DOK3: variants seen among roughly 807,000 people sequenced by gnomAD.
The protein encoded by DOK3 is Dok-like protein.
In DOK3, 23 loss-of-function variants were observed where a neutral mutation model predicts 26.2. The ratio of observed to expected loss-of-function variants is 0.88; its 90% CI spans 0.63 to 1.24. The LOEUF (loss-of-function observed/expected upper bound fraction) is 1.24. DOK3 is among the 50% of genes most tolerant of loss of function. The pLI, the probability that DOK3 is intolerant of heterozygous loss-of-function variation, is 0.00. For missense variants in DOK3, 619 were observed against 610.6 expected (o/e 1.01, Z -0.15); for synonymous variants, 268 against 268.2 (o/e 1.00, Z 0.01).
At chr5:177,505,191 CAAGCCA>C in intron 3 of DOK3, 81 bp from the exon 4 acceptor site, 1 of 1,316,260 alleles carries the variant, frequency 7.6e-7, no homozygotes, top group Non-Finnish European at 1.0e-6. Context: ...CAGAACTCCA[CAAGCCA>C]GGGGGCATCC....
In DOK3 at chr5:177,509,770, C is replaced by A; in HGVS notation, c.-130G>T. 1 of 1,612,476 alleles carries A rather than the reference C, an allele frequency of 6.2e-7. No individual in the cohort carries two copies. Among genetic ancestry groups the A allele is most frequent in the Non-Finnish European group, 8.5e-7 (1 of 1,179,952 alleles). On this transcript the variant is annotated 5_prime_UTR_variant, in exon 1 of 6. Coordinates refer to ENST00000510898, the MANE Select transcript of DOK3 (RefSeq NM_001308236.3). ...TGCCCACACCTACCTGGAGGGAGCC[C>A]CCGGCCACCTGAAGGCAGCCTTCTC...
At position 177,503,861 on chromosome 5, in the gene DOK3, T is replaced by G; in HGVS notation, c.*122A>C. On this transcript the variant is annotated 3_prime_UTR_variant, in exon 6 of 6. Coordinates refer to ENST00000510898, the MANE Select transcript of DOK3 (RefSeq NM_001308236.3). Reference sequence around the variant, plus strand: ...GAGGTCCTCCACAGGCGGCCTGCCTTGTTCCTGCAGGCCAGGGTGGACACA... The same window carrying G: ...GAGGTCCTCCACAGGCGGCCTGCCTGGTTCCTGCAGGCCAGGGTGGACACA... 1.4e-6 allele frequency: 2 copies of G among 1,436,332 alleles called. No homozygotes were observed. Among genetic ancestry groups the G allele is most frequent in the Non-Finnish European group, 1.8e-6 (2 of 1,099,796 alleles). The allele number at this position is 1,436,332 out of a possible 1,614,324, so 89.0% of individuals were successfully genotyped here.
upstream of DOK3, chr5:177,510,169 G>C (rs934524510): frequency 2.0e-6 from 1 of 505,948 alleles, no homozygotes; most frequent in African/African-American, 1.9e-5. Flanking sequence ...CCCTTCCTGG[G>C]GTGCAGCCCA....
chr5:177,502,700 C>T lies in DOK3; in HGVS notation c.*1283G>A. The T allele has an allele frequency of 7.9e-6, 2 of 251,830 alleles. No homozygotes were observed. Among genetic ancestry groups the T allele is most frequent in the Non-Finnish European group, 7.7e-6 (1 of 130,618 alleles). 15.6% of individuals were successfully genotyped at this position (251,830 alleles called of 1,614,324 possible). A position where few individuals can be genotyped will look rare whatever the true frequency, so the allele number is the denominator to read the frequency against. On this transcript the variant is annotated 3_prime_UTR_variant, in exon 6 of 6. Coordinates refer to ENST00000510898, the MANE Select transcript of DOK3 (RefSeq NM_001308236.3). ...GTCTCTTGTGGCAGGGAGTGCCTGC[C>T]TTGCACTGTTAAGAAGGATGCAGGC...
Position 177,504,994 on chromosome 5 carries a change from C to A in DOK3, c.472+17G>T, listed in dbSNP as rs757778210. ...GTGTGGGGGGCTGAGGCTGCCCTTGCACGTCCTCCAACTTACCTTCCTGCC... is the reference window on the plus strand; with the variant it reads ...GTGTGGGGGGCTGAGGCTGCCCTTGAACGTCCTCCAACTTACCTTCCTGCC... On this transcript the variant is annotated intron_variant, in intron 4 of 5. Coordinates refer to ENST00000510898, the MANE Select transcript of DOK3 (RefSeq NM_001308236.3). 1 of 1,599,410 alleles carries A rather than the reference C, an allele frequency of 6.3e-7. No homozygotes were observed. The highest frequency in any genetic ancestry group is 1.7e-5 in the Admixed American group (1 of 58,308).
In DOK3 at chr5:177,508,518, G is replaced by T; in HGVS notation, c.91C>A (p.Leu31Met). 2 of 1,569,358 alleles carry T rather than the reference G, an allele frequency of 1.3e-6. No homozygotes were observed. The highest frequency in any genetic ancestry group is 1.7e-6 in the Non-Finnish European group (2 of 1,153,810). ...CCTGATGGGCCTCCTGCATACAGCA[G>T]AGCCCACACCTTCCGCCAGCACTTC... is the stretch of plus-strand genomic sequence containing the variant. Reference protein sequence around the residue: ...GKKCWRKVWALLYAGGPSGVA... With the variant: ...GKKCWRKVWAMLYAGGPSGVA... The change falls in exon 3 of 6, where the codon CTG (leucine) becomes ATG (methionine). Residue 31 changes from leucine (L) to methionine (M), a missense_variant. Transcript: ENST00000510898.
intron 3 of DOK3, 49 bp from the exon 4 acceptor site, chr5:177,505,159 C>G: frequency 6.7e-7 from 1 of 1,488,596 alleles, no homozygotes; most frequent in Non-Finnish European, 9.1e-7. Flanking sequence ...CTCCCATGCC[C>G]TGTCCCCTCC....
chr5:177,509,199 C>T (rs1402317943), intron 2 of DOK3: 4 of 407,414 alleles, frequency 9.8e-6, no homozygotes, highest in Non-Finnish European at 1.8e-5. Flanking sequence ...GGCTGTGAAG[C>T]TCTTCCCTGC....
Position 177,502,754 on chromosome 5 carries a change from T to C in DOK3, c.*1229A>G. On this transcript the variant is annotated 3_prime_UTR_variant, in exon 6 of 6. Coordinates refer to ENST00000510898, the MANE Select transcript of DOK3 (RefSeq NM_001308236.3). ...CTGCTTAAATGGATTTCTCTGGCTG[T>C]GGGCAGCTGTGTGCAGGCACTGAGG... 3 of 408,746 alleles carry C rather than the reference T, an allele frequency of 7.3e-6. No individual in the cohort carries two copies. Among genetic ancestry groups the C allele is most frequent in the South Asian group, 1.1e-4 (2 of 18,956 alleles). 25.3% of individuals were successfully genotyped at this position (408,746 alleles called of 1,614,324 possible).
chr5:177,503,954 T>A lies in DOK3; in HGVS notation c.*29A>T. ...CCTCCTGTCCCAGGGGGAGCACCTC[T>A]CCCCTCTGGCCACCACTCTGCTGGG... On this transcript the variant is annotated 3_prime_UTR_variant, in exon 6 of 6. Transcript: ENST00000510898. 6.6e-7 allele frequency: 1 copy of A among 1,510,920 alleles called. No homozygotes were observed. The highest frequency in any genetic ancestry group is 8.9e-7 in the Non-Finnish European group (1 of 1,129,190). 93.6% of individuals were successfully genotyped at this position (1,510,920 alleles called of 1,614,324 possible).
chr5:177,504,887 C>T lies in DOK3; in HGVS notation c.501G>A (p.Arg167=). Residue 167 remains arginine, a synonymous_variant, in exon 5 of 6, where the codon AGG becomes AGA. Transcript: ENST00000510898. ...GCTGGCAGCGGGTGGCGGCCTCAGT[C>T]CTCTGCACCACCACGGGAAACTCGC... is the stretch of plus-strand genomic sequence containing the variant. The part of the protein sequence containing the change: ...EVGEFPVVVQ[R]TEAATRCQLK... 6.3e-7 allele frequency: 1 copy of T among 1,598,326 alleles called. No homozygotes were observed. The highest frequency in any genetic ancestry group is 8.5e-7 in the Non-Finnish European group (1 of 1,171,104).
upstream of DOK3, chr5:177,509,904 T>C (rs773817262): frequency 1.9e-6 from 3 of 1,599,456 alleles, no homozygotes; most frequent in South Asian, 1.1e-5. Flanking sequence ...ACCCTGGGCC[T>C]GACACTCCCT....
At position 177,508,373 on chromosome 5, in the gene DOK3, GAC is replaced by G. The variant is rs755247599; in HGVS notation, c.234_235del (p.Ser79ArgfsTer5). On this transcript the variant is annotated frameshift_variant, in exon 3 of 6. Transcript: ENST00000510898. LOFTEE classifies it high-confidence loss of function. Reference sequence around the variant, plus strand: ...GCTCTCGCCGTCAGCCGGCAGCACGGACACACAGTCAGCCAGGCGGATGACCC... The same window carrying G: ...GCTCTCGCCGTCAGCCGGCAGCACGGACACAGTCAGCCAGGCGGATGACCC... 2 of 1,602,994 alleles carry G rather than the reference GAC, an allele frequency of 1.2e-6. No individual in the cohort carries two copies. The highest frequency in any genetic ancestry group is 2.2e-5 in the South Asian group (2 of 90,786).
Position 177,508,532 on chromosome 5 carries a change from C to T in DOK3, c.77G>A (p.Arg26Gln), listed in dbSNP as rs199989872. The change falls in exon 3 of 6, where the codon CGG (arginine) becomes CAG (glutamine). Residue 26 changes from arginine (R) to glutamine (Q), a missense_variant. Arg to Gln is a conservative substitution (Grantham distance 43). Coordinates refer to ENST00000510898, the MANE Select transcript of DOK3 (RefSeq NM_001308236.3). Reference sequence around the variant, plus strand: ...TGCATACAGCAGAGCCCACACCTTCCGCCAGCACTTCTGCGGGAGGGGAGC... The same window carrying T: ...TGCATACAGCAGAGCCCACACCTTCTGCCAGCACTTCTGCGGGAGGGGAGC... The part of the protein sequence containing the change: ...QHVKFGKKCW[R>Q]KVWALLYAGG... 132 of 1,545,658 alleles carry T rather than the reference C, an allele frequency of 8.5e-5. No individual in the cohort carries two copies. Among genetic ancestry groups the T allele is most frequent in the South Asian group, 2.0e-4 (17 of 85,124 alleles).
Position 177,508,442 on chromosome 5 carries a change from G to C in DOK3, c.167C>G (p.Ala56Gly). ...WEVRDGGLGA[A>G]GDRSAGPGRR... ...GCCAGGCCCTGCCGACCTGTCACCCGCTGCTCCCAGGCCACCATCCCGGAC... is the reference window on the plus strand; with the variant it reads ...GCCAGGCCCTGCCGACCTGTCACCCCCTGCTCCCAGGCCACCATCCCGGAC... Residue 56 changes from alanine (A) to glycine (G), a missense_variant, in exon 3 of 6, where the codon GCG (alanine) becomes GGG (glycine). Coordinates refer to ENST00000510898, the MANE Select transcript of DOK3 (RefSeq NM_001308236.3). 2 of 1,595,480 alleles carry C rather than the reference G, an allele frequency of 1.3e-6. No homozygotes were observed. Among genetic ancestry groups the C allele is most frequent in the Non-Finnish European group, 1.7e-6 (2 of 1,173,144 alleles).
intron 3 of DOK3, among the ~76,000 whole-genome samples, 172 bp downstream of exon 3, chr5:177,508,065 C>A (rs183935682): frequency 1.1e-4 from 17 of 152,320 alleles, no homozygotes; most frequent in Admixed American, 9.8e-4. Flanking sequence ...GCTCCCCTGG[C>A]GGTCCATTTT....
At position 177,502,945 on chromosome 5, in the gene DOK3, T is replaced by C; in HGVS notation, c.*1038A>G. The C allele has an allele frequency of 9.0e-7, 1 of 1,115,942 alleles. No individual in the cohort carries two copies. The highest frequency in any genetic ancestry group is 1.3e-6 in the Non-Finnish European group (1 of 792,710). 69.1% of individuals were successfully genotyped at this position (1,115,942 alleles called of 1,614,324 possible). On this transcript the variant is annotated 3_prime_UTR_variant, in exon 6 of 6. Coordinates refer to ENST00000510898, the MANE Select transcript of DOK3 (RefSeq NM_001308236.3). The stretch of plus-strand genomic sequence containing the variant: ...CGACATGCCTAGGCAGGGGCGGTAC[T>C]GGCCGCACTAAAGGAAGTGAGCTGG...
rs1316945505 is a variant in DOK3 at position 177,502,255 on chromosome 5, TGA to T, written c.*1726_*1727del. 6.6e-6 allele frequency: 1 copy of T among 151,706 alleles called. No homozygotes were observed. The highest frequency in any genetic ancestry group is 2.4e-5 in the African/African-American group (1 of 41,208). The allele number at this position is 151,706 out of a possible 1,614,324, so 9.4% of individuals were successfully genotyped here. Reference sequence around the variant, plus strand: ...GAGTTAATTGAGGGGAGAATGGGGGTGAGAAAGTGGAAATGAAAGTAATCAAC... The same window carrying T: ...GAGTTAATTGAGGGGAGAATGGGGGTGAAAGTGGAAATGAAAGTAATCAAC... On this transcript the variant is annotated 3_prime_UTR_variant, in exon 6 of 6. Transcript: ENST00000510898.
At chr5:177,508,709 A>G (rs1760570109) in intron 2 of DOK3, 167 bp from the exon 3 acceptor site, 2 of 700,572 alleles carry the variant, frequency 2.9e-6, no homozygotes, top group Non-Finnish European at 4.4e-6. Context: ...GGGATTGGTC[A>G]GCCCTGGGTT....
Sources: gnomAD v4.1 joint callset for allele counts (sites outside exome capture counted in the v4.1 genomes callset) on GRCh38, gnomAD v4.1.1 for gene constraint, MANE v1.5 for transcripts, NCBI Gene and HGNC (gene_info 2026-07-23, HGNC 2026-07-21) for gene names.